The following TAFA4 variants were observed in gnomAD, a reference collection of about 807,000 sequenced individuals.
TAFA4 encodes chemokine-like protein TAFA-4.
Under a neutral mutation model 21.1 loss-of-function variants are expected in TAFA4, and 20 were observed. That is an observed-to-expected ratio of 0.95 (90% confidence interval 0.67 to 1.38). The LOEUF (loss-of-function observed/expected upper bound fraction) is 1.38, where lower values mean the gene tolerates loss of function less well. Ranked by LOEUF, TAFA4 falls within the 40% of genes most tolerant of loss-of-function variation. TAFA4 has a pLI of 0.00. For synonymous variants in TAFA4, 71 were observed against 67.4 expected, an observed-to-expected ratio of 1.05 and a Z score of -0.26; for missense variants, 211 against 180.9, an observed-to-expected ratio of 1.17 and a Z score of -0.95.
chr3:68,828,569 G>C (rs9877022), intron 3 of TAFA4, among the ~76,000 whole-genome samples: 46,851 of 151,988 alleles, frequency 0.31, 7,641 homozygotes, highest in Non-Finnish European at 0.37. Flanking sequence ...ATGGTTTGTA[G>C]TTATCTTTGA....
intron 5 of TAFA4, among the ~76,000 whole-genome samples, chr3:68,737,449 T>C (rs1215088445): frequency 1.3e-5 from 2 of 152,098 alleles, no homozygotes; most frequent in Non-Finnish European, 2.9e-5. Flanking sequence ...AGATATCAGA[T>C]CGTTATCCCA....
rs560369684 is a variant in TAFA4, at chr3:68,848,102, T to C, written c.130+32628A>G. On this transcript the variant is annotated intron_variant, in intron 3 of 5. Coordinates refer to ENST00000295569, the MANE Select transcript of TAFA4 (RefSeq NM_182522.5). ...AGGTAGATGCTATTATTATCTTCAT[T>C]TTATAGTTGAGGAGTTTCCACAGCT... Among the ~76,000 whole-genome samples the C allele has an allele frequency of 7.2e-5, 11 of 152,350 alleles. No homozygotes were observed. The South Asian group carries it at 1.7e-3, about 23-fold the overall frequency.
intron 4 of TAFA4, among the ~76,000 whole-genome samples, chr3:68,745,687 T>G (rs1438149098): frequency 6.6e-6 from 1 of 152,246 alleles, no homozygotes; most frequent in Non-Finnish European, 1.5e-5. Context: ...AGTTTTATTT[T>G]GTATTCTTTT....
chr3:68,774,075 G>C (rs1703006878), intron 3 of TAFA4, among the ~76,000 whole-genome samples: 5 of 152,106 alleles, frequency 3.3e-5, no homozygotes, highest in Non-Finnish European at 1.5e-5. Flanking sequence ...CCTGGGGGTA[G>C]ACATTAGAGA....
intron 3 of TAFA4, among the ~76,000 whole-genome samples, chr3:68,842,811 C>T (rs941264898): frequency 6.6e-6 from 1 of 152,134 alleles, no homozygotes. Context: ...ATCCTTTCCC[C>T]ACTGCTTATT....
intron 4 of TAFA4, 138 bp from the exon 5 acceptor site, chr3:68,739,337 A>G (rs1702303937): frequency 5.9e-6 from 6 of 1,018,562 alleles, no homozygotes; most frequent in Admixed American, 2.4e-5. Flanking sequence ...AAGGAATCCA[A>G]TCAGGCATAT....
At chr3:68,739,033 T>C (rs1702295209) in intron 5 of TAFA4, 42 bp downstream of exon 5, 2 of 1,608,368 alleles carry the variant, frequency 1.2e-6, no homozygotes, top group South Asian at 1.1e-5. Flanking sequence ...AGCCCCACAG[T>C]TGATAACTTG....
intron 3 of TAFA4, among the ~76,000 whole-genome samples, chr3:68,815,289 C>T (rs1703946272): frequency 6.6e-6 from 1 of 152,086 alleles, no homozygotes; most frequent in African/African-American, 2.4e-5. Flanking sequence ...AAAGCAATGG[C>T]AACAAAAGCC....
intron 3 of TAFA4, among the ~76,000 whole-genome samples, chr3:68,757,181 G>A (rs939342265): frequency 6.6e-6 from 1 of 152,058 alleles, no homozygotes; most frequent in Non-Finnish European, 1.5e-5. Context: ...AACTTAAGAT[G>A]TCAGCCTGTT....
chr3:68,877,093 T>C (rs920317011), intron 3 of TAFA4, among the ~76,000 whole-genome samples: 2 of 152,234 alleles, frequency 1.3e-5, no homozygotes, highest in African/African-American at 2.4e-5. Context: ...GCGCAGTGTC[T>C]CAGGCCTGTA....
Position 68,807,452 on chromosome 3 carries a change from T to C in TAFA4, c.131-54434A>G, listed in dbSNP as rs576763560. Among the ~76,000 whole-genome samples, 25 of 152,296 alleles carry C rather than the reference T, an allele frequency of 1.6e-4. 1 individual carries two copies. The highest frequency in any genetic ancestry group is 6.8e-3 in the Middle Eastern group (2 of 294). ...GCCACAAGTAGACATTTTTGAAACA[T>C]GGGGCATTGTAGCTTGTCACAAGAA... is the stretch of plus-strand genomic sequence containing the variant. On this transcript the variant is annotated intron_variant, in intron 3 of 5. Transcript: ENST00000295569.
chr3:68,732,006 A>G lies in TAFA4; in HGVS notation c.*1136T>C, dbSNP rs78464871. ...TTTCTTAATATATAAAATTCATCCC[A>G]TATTTTTACAGTAGTATGTACTTTA... On this transcript the variant is annotated 3_prime_UTR_variant, in exon 6 of 6. Transcript: ENST00000295569. 438 of 152,616 alleles carry G rather than the reference A, an allele frequency of 2.9e-3. 4 individuals are homozygous for G. Among genetic ancestry groups the G allele is most frequent in the African/African-American group, 0.01 (424 of 41,590 alleles). 9.5% of individuals were successfully genotyped at this position (152,616 alleles called of 1,614,324 possible).
At chr3:68,861,375 G>A (rs1301346921) in intron 3 of TAFA4, among the ~76,000 whole-genome samples, 1 of 151,856 alleles carries the variant, frequency 6.6e-6, no homozygotes, top group Non-Finnish European at 1.5e-5. Context: ...AATTACTTTA[G>A]GAAAGAAAAA....
At chr3:68,811,373 C>T in intron 3 of TAFA4, among the ~76,000 whole-genome samples, 1 of 152,140 alleles carries the variant, frequency 6.6e-6, no homozygotes, top group African/African-American at 2.4e-5. Flanking sequence ...TCAAACTACT[C>T]TGAGCTAAAG....
chr3:68,811,066 TG>T (rs1181031373), intron 3 of TAFA4, among the ~76,000 whole-genome samples: 1 of 152,194 alleles, frequency 6.6e-6, no homozygotes, highest in Non-Finnish European at 1.5e-5. Context: ...AAACAGGGTC[TG>T]GAGTGGACCT....
rs1221062424 is a variant in TAFA4 at position 68,740,045 on chromosome 3, G to T, written c.287-846C>A. Among the ~76,000 whole-genome samples the T allele has an allele frequency of 2.0e-5, 3 of 152,150 alleles. No individual in the cohort carries two copies. In the East Asian group the frequency reaches 5.8e-4, roughly 29 times the overall value. Reference sequence around the variant, plus strand: ...TAAAATATAGCTGGTGAGATCTCAGGCTTTGTGGTGGGCTTGCCTGGGTTT... The same window carrying T: ...TAAAATATAGCTGGTGAGATCTCAGTCTTTGTGGTGGGCTTGCCTGGGTTT... On this transcript the variant is annotated intron_variant, in intron 4 of 5. Transcript: ENST00000295569.
chr3:68,870,201 A>G (rs2089466853), intron 3 of TAFA4, among the ~76,000 whole-genome samples: 1 of 152,104 alleles, frequency 6.6e-6, no homozygotes, highest in Non-Finnish European at 1.5e-5. Flanking sequence ...TCAATGAAGA[A>G]GACACACAAA....
At chr3:68,907,795 CAGG>C (rs1176904278) in intron 1 of TAFA4, among the ~76,000 whole-genome samples, 1 of 152,110 alleles carries the variant, frequency 6.6e-6, no homozygotes, top group Non-Finnish European at 1.5e-5. Context: ...CTAAAGAATC[CAGG>C]AGAATAGGAG....
At chr3:68,748,549 T>C (rs1702503225) in intron 4 of TAFA4, among the ~76,000 whole-genome samples, 1 of 152,142 alleles carries the variant, frequency 6.6e-6, no homozygotes, top group Non-Finnish European at 1.5e-5. Context: ...GAGACCATCC[T>C]GGCTAACATG....
Sources: allele counts gnomAD v4.1 joint callset (sites outside exome capture counted in the v4.1 genomes callset), GRCh38; gene constraint gnomAD v4.1.1; transcripts MANE v1.5; gene names NCBI Gene and HGNC (gene_info 2026-07-23, HGNC 2026-07-21).